CMIP: variants seen among roughly 807,000 people sequenced by gnomAD.
The protein encoded by CMIP is c-Maf inducing protein, also known as C-Maf-inducing protein.
A neutral mutation model predicts 97.3 loss-of-function variants in CMIP; 13 were observed. The ratio of observed to expected loss-of-function variants is 0.13; its 90% CI spans 0.09 to 0.21. The LOEUF (loss-of-function observed/expected upper bound fraction) is 0.21. CMIP is among the 10% of genes least tolerant of loss of function. CMIP has a pLI of 1.00. For missense variants in CMIP, 847 were observed against 1,024.9 expected (o/e 0.83, Z 2.37); for synonymous variants, 538 against 436.3 (o/e 1.23, Z -2.91).
Position 81,548,033 on chromosome 16 carries a change from G to T in CMIP, c.301-59534G>T, listed in dbSNP as rs143785637. 2.1e-3 allele frequency among the ~76,000 whole-genome samples: 320 copies of T among 152,222 alleles called. 1 individual carries two copies. Among genetic ancestry groups the T allele is most frequent in the African/African-American group, 7.4e-3 (308 of 41,528 alleles). ...GGAACAATTTCCAGATCATTACAGC[G>T]GCTGGCATTTATCTAGGGCTTACCT... is the stretch of plus-strand genomic sequence containing the variant. On this transcript the variant is annotated intron_variant, in intron 1 of 20. Transcript: ENST00000537098.
intron 1 of CMIP, among the ~76,000 whole-genome samples, chr16:81,521,070 T>C (rs2090016614): frequency 6.6e-6 from 1 of 152,244 alleles, no homozygotes; most frequent in South Asian, 2.1e-4. Context: ...AGGAATGTGC[T>C]TTATACAAGA....
At chr16:81,687,487 A>T (rs1905540896) in intron 10 of CMIP, among the ~76,000 whole-genome samples, 1 of 152,160 alleles carries the variant, frequency 6.6e-6, no homozygotes, top group African/African-American at 2.4e-5. Context: ...GAGATCCGGA[A>T]CCCAGGTGGG....
intron 1 of CMIP, among the ~76,000 whole-genome samples, chr16:81,474,034 C>A (rs1015713401): frequency 6.6e-6 from 1 of 152,114 alleles, no homozygotes; most frequent in Admixed American, 6.5e-5. Flanking sequence ...GTGATCATCC[C>A]CATTCTACAG....
intron 1 of CMIP, among the ~76,000 whole-genome samples, chr16:81,495,650 T>G (rs374400585): frequency 6.6e-6 from 1 of 152,180 alleles, no homozygotes; most frequent in East Asian, 1.9e-4. Context: ...AGGCCCCTTC[T>G]CTTTTTATGT....
chr16:81,634,565 T>C (rs2092209658), intron 3 of CMIP, among the ~76,000 whole-genome samples: 2 of 152,174 alleles, frequency 1.3e-5, no homozygotes, highest in Non-Finnish European at 2.9e-5. Flanking sequence ...CCTAGGACGC[T>C]GAGCTTCTCT....
intron 1 of CMIP, among the ~76,000 whole-genome samples, chr16:81,588,081 G>C (rs1182423312): frequency 6.6e-6 from 1 of 152,136 alleles, no homozygotes; most frequent in Non-Finnish European, 1.5e-5. Context: ...GCCTCCAAGA[G>C]GACCGAGGCT....
In CMIP at chr16:81,538,223, A is replaced by G. The variant is rs528540310; in HGVS notation, c.301-69344A>G. On this transcript the variant is annotated intron_variant, in intron 1 of 20. Transcript: ENST00000537098. ...AGGGGCTAAGGCCTGAGTCCGTCTC[A>G]TTCTCAGAGCGACACCCATAAGCAT... is the stretch of plus-strand genomic sequence containing the variant. Among the ~76,000 whole-genome samples, 64 of 152,320 alleles carry G rather than the reference A, an allele frequency of 4.2e-4. 2 individuals are homozygous for G. Among genetic ancestry groups the G allele is most frequent in the Non-Finnish European group, 3.1e-4 (21 of 68,016 alleles).
At chr16:81,657,184 A>C (rs1234351016) in intron 4 of CMIP, among the ~76,000 whole-genome samples, 1 of 152,232 alleles carries the variant, frequency 6.6e-6, no homozygotes, top group Non-Finnish European at 1.5e-5. Context: ...AATTTCAGCA[A>C]ATGTAATCCA....
chr16:81,490,784 G>C (rs1282106893), intron 1 of CMIP, among the ~76,000 whole-genome samples: 1 of 150,278 alleles, frequency 6.7e-6, no homozygotes, highest in Non-Finnish European at 1.5e-5. Flanking sequence ...CCACCCTGGG[G>C]TGTCTGGGTA....
intron 1 of CMIP, among the ~76,000 whole-genome samples, chr16:81,502,124 A>G (rs1244555642): frequency 1.3e-5 from 2 of 152,190 alleles, no homozygotes; most frequent in South Asian, 2.1e-4. Flanking sequence ...GAGGAAACTG[A>G]GGCCCAGAGA....
intron 1 of CMIP, among the ~76,000 whole-genome samples, chr16:81,500,596 C>T (rs964469448): frequency 6.6e-6 from 1 of 151,222 alleles, no homozygotes; most frequent in African/African-American, 2.4e-5. Flanking sequence ...TGAAGTGATT[C>T]TCCTGCCTCA....
intron 1 of CMIP, among the ~76,000 whole-genome samples, chr16:81,460,536 TGGGCACACTTGGACG>T (rs781731191): frequency 6.6e-6 from 1 of 152,200 alleles, no homozygotes; most frequent in Non-Finnish European, 1.5e-5. Flanking sequence ...CCCTCAGTCC[TGGGCACACTTGGACG>T]GCTGGTCACC....
At chr16:81,657,750 C>A (rs1006633771) in intron 4 of CMIP, 25 bp from the exon 5 acceptor site, 2 of 1,580,160 alleles carry the variant, frequency 1.3e-6, no homozygotes, top group Admixed American at 1.9e-5. Context: ...TGTTTTCCTC[C>A]TGCTGTCTCC....
intron 1 of CMIP, among the ~76,000 whole-genome samples, chr16:81,513,980 A>G (rs2089862115): frequency 6.6e-6 from 1 of 152,166 alleles, no homozygotes; most frequent in Non-Finnish European, 1.5e-5. Flanking sequence ...TTGACCCCAA[A>G]ACAGACCATG....
chr16:81,597,315 G>A (rs143055149), intron 1 of CMIP, among the ~76,000 whole-genome samples: 3 of 152,302 alleles, frequency 2.0e-5, no homozygotes, highest in Admixed American at 2.0e-4. Context: ...GAGCCAGTCT[G>A]CTGGTATGAT....
intron 20 of CMIP, among the ~76,000 whole-genome samples, chr16:81,708,970 G>A (rs529352577): frequency 4.2e-4 from 64 of 152,358 alleles, no homozygotes; most frequent in Non-Finnish European, 1.9e-4. Context: ...AAAGTTGGGA[G>A]GGAGGATGTA....
chr16:81,509,927 A>C (rs551720285), intron 1 of CMIP, among the ~76,000 whole-genome samples: 4 of 152,150 alleles, frequency 2.6e-5, no homozygotes, highest in African/African-American at 9.7e-5. Flanking sequence ...CTTTGTCAGG[A>C]GCTCCGGACA....
chr16:81,560,299 A>G (rs1210959072), intron 1 of CMIP, among the ~76,000 whole-genome samples: 3 of 151,222 alleles, frequency 2.0e-5, no homozygotes, highest in Non-Finnish European at 4.4e-5. Flanking sequence ...GCTCGCTGCA[A>G]GCTCCGCCTC....
intron 1 of CMIP, among the ~76,000 whole-genome samples, chr16:81,506,339 C>G (rs1408355774): frequency 6.6e-6 from 1 of 152,182 alleles, no homozygotes; most frequent in Non-Finnish European, 1.5e-5. Flanking sequence ...GAGAAGTTTT[C>G]TGACCTTCAC....
Sources: allele counts gnomAD v4.1 joint callset (sites outside exome capture counted in the v4.1 genomes callset), GRCh38; gene constraint gnomAD v4.1.1; transcripts MANE v1.5; gene names NCBI Gene and HGNC (gene_info 2026-07-23, HGNC 2026-07-21).